Variants in ENDOD1 observed in about 807,000 individuals in gnomAD.
ENDOD1 encodes endonuclease domain containing 1.
A neutral mutation model predicts 6.5 loss-of-function variants in ENDOD1; 9 were observed. That is an observed-to-expected ratio of 1.39 (90% CI 0.84 to 2.43). The LOEUF is 2.43. Ranked by LOEUF, ENDOD1 falls within the 30% of genes most tolerant of loss-of-function variation. The pLI, the probability that ENDOD1 is intolerant of heterozygous loss-of-function variation, is 0.00. For synonymous variants in ENDOD1, 255 were observed against 255.2 expected (o/e 1.00, Z 0.01); for missense variants, 648 against 635.5 (o/e 1.02, Z -0.21).
intron 1 of ENDOD1, among the ~76,000 whole-genome samples, chr11:95,103,260 C>T (rs1338735176): frequency 1.3e-5 from 2 of 152,092 alleles, no homozygotes; most frequent in South Asian, 2.1e-4. Flanking sequence ...AAGAAGTAGG[C>T]ATGGAATTAC....
intron 1 of ENDOD1, among the ~76,000 whole-genome samples, chr11:95,101,612 A>G (rs1859041806): frequency 6.6e-6 from 1 of 152,220 alleles, no homozygotes; most frequent in South Asian, 2.1e-4. Flanking sequence ...CACTTCTGAA[A>G]GATACTCAGT....
chr11:95,112,972 G>A (rs139919624), intron 1 of ENDOD1, among the ~76,000 whole-genome samples: 113 of 151,682 alleles, frequency 7.4e-4, no homozygotes, highest in African/African-American at 2.7e-3. Context: ...AAGTTGGCAC[G>A]TGGTCCCGTC....
intron 1 of ENDOD1, among the ~76,000 whole-genome samples, chr11:95,104,218 G>C (rs1411193632): frequency 1.3e-5 from 2 of 152,220 alleles, no homozygotes; most frequent in Non-Finnish European, 2.9e-5. Context: ...GAAAGACCAA[G>C]GCTGGTGGAT....
rs1859366291 is a variant in ENDOD1 at position 95,131,086 on chromosome 11, T to G, written c.*1507T>G. The G allele has an allele frequency of 6.6e-6, 1 of 152,200 alleles. No individual in the cohort carries two copies. Among genetic ancestry groups the G allele is most frequent in the African/African-American group, 2.4e-5 (1 of 41,450 alleles). The allele number at this position is 152,200 out of a possible 1,614,324, so 9.4% of individuals were successfully genotyped here. On this transcript the variant is annotated 3_prime_UTR_variant, in exon 2 of 2. Transcript: ENST00000278505. Reference sequence around the variant, plus strand: ...TGAGAAACATGAGCGTAGCAAGAGTTACATTTTGCAGAAAAATAGCGGAGG... The same window carrying G: ...TGAGAAACATGAGCGTAGCAAGAGTGACATTTTGCAGAAAAATAGCGGAGG...
intron 1 of ENDOD1, among the ~76,000 whole-genome samples, chr11:95,109,769 A>G (rs1555111734): frequency 1.3e-5 from 2 of 152,146 alleles, no homozygotes; most frequent in Non-Finnish European, 1.5e-5. Flanking sequence ...TCTCCTCCCC[A>G]TCACCACTGA....
At position 95,128,884 on chromosome 11, in the gene ENDOD1, G is replaced by A; in HGVS notation, c.808G>A (p.Gly270Ser). The part of the protein sequence containing the change: ...FNPQLFQNNC[G>S]ETEQDTEKMK... ...CCCTCAGCTGTTTCAGAACAACTGT[G>A]GTGAAACTGAGCAAGACACAGAGAA... Residue 270 changes from glycine to serine, a missense_variant, in exon 2 of 2, where the codon GGT becomes AGT. Physicochemically the swap from Gly to Ser is moderately conservative, Grantham distance 56 (BLOSUM62 0). Coordinates refer to ENST00000278505, the MANE Select transcript of ENDOD1 (RefSeq NM_015036.3). 6.2e-6 allele frequency: 10 copies of A among 1,614,042 alleles called. No homozygotes were observed. Among genetic ancestry groups the A allele is most frequent in the Non-Finnish European group, 7.6e-6 (9 of 1,180,024 alleles).
chr11:95,123,484 A>T (rs546377394), intron 1 of ENDOD1, among the ~76,000 whole-genome samples: 1 of 151,962 alleles, frequency 6.6e-6, no homozygotes. Flanking sequence ...GCCCATTGTT[A>T]GTAAGAGGCT....
At chr11:95,110,073 T>G (rs1555111753) in intron 1 of ENDOD1, among the ~76,000 whole-genome samples, 1 of 152,254 alleles carries the variant, frequency 6.6e-6, no homozygotes, top group African/African-American at 2.4e-5. Context: ...ATGGGGCCTT[T>G]CTTTTCAGTG....
At chr11:95,107,879 GGAT>G (rs1859106320) in intron 1 of ENDOD1, among the ~76,000 whole-genome samples, 2 of 152,226 alleles carry the variant, frequency 1.3e-5, no homozygotes, top group African/African-American at 4.8e-5. Flanking sequence ...GTGTTAGCCA[GGAT>G]GATCTCGATC....
At chr11:95,101,763 C>T in intron 1 of ENDOD1, among the ~76,000 whole-genome samples, 1 of 152,124 alleles carries the variant, frequency 6.6e-6, no homozygotes, top group Admixed American at 6.5e-5. Flanking sequence ...CTAATAAGCC[C>T]CTCAAACAAC....
Position 95,128,736 on chromosome 11 carries a change from GCT to G in ENDOD1, c.661_662del (p.Leu221GlyfsTer23), listed in dbSNP as rs776912634. ...AAGTGGCAGTCCCTGAGTTTGTTTG[GCT>G]GGCAGCCTGTTGTGCTGTCCCTGGA... ...DKVAVPEFVWLAACCAVPGGG... is the reference protein window; with the variant it reads ...DKVAVPEFVWXAACCAVPGGG... On this transcript the variant is annotated frameshift_variant, in exon 2 of 2. Coordinates refer to ENST00000278505, the MANE Select transcript of ENDOD1 (RefSeq NM_015036.3). LOFTEE classifies it low-confidence loss of function (END_TRUNC). 1 of 1,614,184 alleles carries G rather than the reference GCT, an allele frequency of 6.2e-7. No individual in the cohort carries two copies. The highest frequency in any genetic ancestry group is 8.5e-7 in the Non-Finnish European group (1 of 1,180,030).
intron 1 of ENDOD1, among the ~76,000 whole-genome samples, chr11:95,101,687 A>G (rs1859042430): frequency 6.6e-6 from 1 of 152,192 alleles, no homozygotes; most frequent in Non-Finnish European, 1.5e-5. Flanking sequence ...AGACACACGG[A>G]CTATTTCATA....
intron 1 of ENDOD1, among the ~76,000 whole-genome samples, chr11:95,106,395 G>T (rs1221150828): frequency 2.6e-5 from 4 of 152,200 alleles, no homozygotes; most frequent in Admixed American, 1.3e-4. Flanking sequence ...TGGATGAGTG[G>T]GGGGATTGAC....
At chr11:95,116,865 A>C (rs565909150) in intron 1 of ENDOD1, among the ~76,000 whole-genome samples, 6 of 152,318 alleles carry the variant, frequency 3.9e-5, no homozygotes, top group African/African-American at 1.2e-4. Flanking sequence ...GCATTATTTC[A>C]GTTTTTTTGA....
intron 1 of ENDOD1, among the ~76,000 whole-genome samples, chr11:95,121,243 T>C (rs1859259750): frequency 6.6e-6 from 1 of 152,338 alleles, no homozygotes. Flanking sequence ...TATTCTGCCA[T>C]CTTGCTGTGC....
At chr11:95,097,256 G>A (rs1858995753) in intron 1 of ENDOD1, among the ~76,000 whole-genome samples, 1 of 152,054 alleles carries the variant, frequency 6.6e-6, no homozygotes, top group South Asian at 2.1e-4. Flanking sequence ...TTAAAACAAG[G>A]TTTCCATCCA....
At chr11:95,122,277 C>T (rs1859268729) in intron 1 of ENDOD1, among the ~76,000 whole-genome samples, 1 of 152,038 alleles carries the variant, frequency 6.6e-6, no homozygotes, top group African/African-American at 2.4e-5. Context: ...GGCTGGAGTA[C>T]AATGGCATGA....
Position 95,090,048 on chromosome 11 carries a change from G to C in ENDOD1, c.121G>C (p.Gly41Arg), listed in dbSNP as rs978523931. The C allele has an allele frequency of 1.2e-6, 2 of 1,601,848 alleles. No homozygotes were observed. The highest frequency in any genetic ancestry group is 2.3e-5 in the South Asian group (2 of 88,686). ...CGAATGTGACAAGTTCTTCTACGCC[G>C]GGACCCCGCCTGCGGGGCTGGCGGC... ...FGECDKFFYA[G>R]TPPAGLAADS... The change falls in exon 1 of 2, where the codon GGG (glycine) becomes CGG (arginine). Residue 41 changes from glycine to arginine, a missense_variant. By Grantham distance (125) the Gly-to-Arg change is moderately radical. Transcript: ENST00000278505.
intron 1 of ENDOD1, among the ~76,000 whole-genome samples, chr11:95,092,727 T>C (rs11021039): frequency 1.1e-4 from 17 of 152,156 alleles, no homozygotes; most frequent in Non-Finnish European, 1.5e-4. Flanking sequence ...AGGTGTGAGG[T>C]GCAGCTGGGC....
Sources: gnomAD v4.1 joint callset for allele counts (sites outside exome capture counted in the v4.1 genomes callset) on GRCh38, gnomAD v4.1.1 for gene constraint, MANE v1.5 for transcripts, NCBI Gene and HGNC (gene_info 2026-07-23, HGNC 2026-07-21) for gene names.